LCORL: variants seen among roughly 807,000 people sequenced by gnomAD.
LCORL encodes ligand-dependent nuclear receptor corepressor-like protein.
Under a neutral mutation model 141.8 loss-of-function variants are expected in LCORL, and 41 were observed. The ratio of observed to expected loss-of-function variants is 0.29; its 90% CI spans 0.23 to 0.38. The LOEUF is 0.38. LCORL is among the 10% of genes least tolerant of loss of function. The pLI is 1.00. For synonymous variants in LCORL, 618 were observed against 694.1 expected (o/e 0.89, Z 1.72); for missense variants, 1,759 against 2,035.0 (o/e 0.86, Z 2.61).
At chr4:17,880,080 TTAA>T (rs886392397) in intron 6 of LCORL, among the ~76,000 whole-genome samples, 39 of 151,018 alleles carry the variant, frequency 2.6e-4, no homozygotes, top group African/African-American at 9.0e-4. Context: ...ATTCAATTTA[TTAA>T]TAATGGAATT....
intron 1 of LCORL, among the ~76,000 whole-genome samples, chr4:18,004,912 G>T (rs1378778349): frequency 6.6e-6 from 1 of 151,894 alleles, no homozygotes; most frequent in Non-Finnish European, 1.5e-5. Flanking sequence ...CCGAAATCCA[G>T]CAGGGCAGTC....
intron 1 of LCORL, among the ~76,000 whole-genome samples, chr4:17,985,241 A>T (rs575763581): frequency 7.9e-5 from 12 of 152,140 alleles, no homozygotes; most frequent in Middle Eastern, 6.8e-3. Context: ...AAGTAAGTAT[A>T]CTCTGCTGTT....
exon 8 of LCORL, chr4:17,841,417 C>A (rs982129328): frequency 6.6e-6 from 1 of 151,738 alleles, no homozygotes; most frequent in Non-Finnish European, 1.5e-5. Flanking sequence ...TGTTTTGTAA[C>A]CAGTAAATTA....
chr4:17,927,448 G>A (rs568382649), intron 4 of LCORL, among the ~76,000 whole-genome samples: 223 of 152,322 alleles, frequency 1.5e-3, no homozygotes, highest in Non-Finnish European at 2.5e-3. Context: ...ACATACACAA[G>A]GTGATGCATT....
intron 4 of LCORL, among the ~76,000 whole-genome samples, chr4:17,945,429 G>C (rs1275013356): frequency 6.6e-6 from 1 of 150,538 alleles, no homozygotes; most frequent in Non-Finnish European, 1.5e-5. Context: ...TTTTACACTA[G>C]AATTTATCGT....
At chr4:17,850,099 T>A (rs879545734) in intron 7 of LCORL, among the ~76,000 whole-genome samples, 1 of 148,586 alleles carries the variant, frequency 6.7e-6, no homozygotes, top group Non-Finnish European at 1.5e-5. Flanking sequence ...TGAAACTGGA[T>A]CCCTTCCTTA....
chr4:17,882,023 C>T (rs942179850), intron 6 of LCORL: 2 of 979,792 alleles, frequency 2.0e-6, no homozygotes, highest in East Asian at 1.2e-4. Context: ...GTGCAGGTAA[C>T]ATTAATAGCT....
chr4:17,906,843 C>T (rs1045858533), intron 5 of LCORL, among the ~76,000 whole-genome samples: 2 of 152,040 alleles, frequency 1.3e-5, no homozygotes, highest in East Asian at 1.9e-4. Context: ...TGTGCCACCA[C>T]GCCCAGCTAA....
At chr4:17,887,777 T>C (rs1249068667) in intron 5 of LCORL, among the ~76,000 whole-genome samples, 2 of 152,146 alleles carry the variant, frequency 1.3e-5, no homozygotes, top group Non-Finnish European at 2.9e-5. Flanking sequence ...TATGGGAGAA[T>C]GGACCGCAAG....
intron 4 of LCORL, among the ~76,000 whole-genome samples, chr4:17,924,157 T>C (rs550280130): frequency 6.6e-6 from 1 of 152,126 alleles, no homozygotes; most frequent in Non-Finnish European, 1.5e-5. Context: ...TGGCTGGACC[T>C]CTCTGAGTGC....
intron 1 of LCORL, among the ~76,000 whole-genome samples, chr4:18,006,837 A>C (rs1230317904): frequency 1.3e-5 from 2 of 152,058 alleles, no homozygotes; most frequent in Non-Finnish European, 2.9e-5. Flanking sequence ...ACACAGCCAA[A>C]CCATATCACA....
chr4:17,849,923 C>A (rs1222587079), intron 7 of LCORL, among the ~76,000 whole-genome samples: 1 of 151,516 alleles, frequency 6.6e-6, no homozygotes, highest in Non-Finnish European at 1.5e-5. Context: ...GTACTGGTAC[C>A]AAAACAGAGA....
chr4:17,988,023 C>G (rs979812140), intron 1 of LCORL, among the ~76,000 whole-genome samples: 2 of 152,074 alleles, frequency 1.3e-5, no homozygotes, highest in South Asian at 4.1e-4. Flanking sequence ...GTGGGAGGGA[C>G]CTGGTGGAAG....
At chr4:17,901,510 G>A (rs1730879112) in intron 5 of LCORL, among the ~76,000 whole-genome samples, 1 of 152,020 alleles carries the variant, frequency 6.6e-6, no homozygotes, top group Non-Finnish European at 1.5e-5. Flanking sequence ...TGATAATCAT[G>A]TATGTAATTC....
At chr4:17,971,836 A>C (rs1361173576) in intron 2 of LCORL, among the ~76,000 whole-genome samples, 1 of 151,674 alleles carries the variant, frequency 6.6e-6, no homozygotes, top group Admixed American at 6.6e-5. Flanking sequence ...TCCTAAAATA[A>C]TAAATTGTAC....
In LCORL at chr4:17,884,637, C is replaced by T; in HGVS notation, c.776+1431G>A. On this transcript the variant is annotated intron_variant, in intron 6 of 7. Transcript: ENST00000635767. The surrounding 1 kb of genome is among the most constrained non-coding windows in gnomAD (Gnocchi z 4.4). ...TTTTGAGGTATGCCATAAAGTATGC[C>T]TGCTTTATTTATGTCCAGTGCTCCA... 2 of 1,547,252 alleles carry T rather than the reference C, an allele frequency of 1.3e-6. No homozygotes were observed. Among genetic ancestry groups the T allele is most frequent in the Non-Finnish European group, 1.7e-6 (2 of 1,144,882 alleles).
At chr4:17,871,626 T>G (rs1189245869) in intron 7 of LCORL, among the ~76,000 whole-genome samples, 1 of 151,976 alleles carries the variant, frequency 6.6e-6, no homozygotes, top group African/African-American at 2.4e-5. Flanking sequence ...GATATGAGGA[T>G]GATATAAAGA....
intron 7 of LCORL, among the ~76,000 whole-genome samples, chr4:17,851,770 A>AT (rs1276012255): frequency 6.6e-6 from 1 of 152,170 alleles, no homozygotes; most frequent in Non-Finnish European, 1.5e-5. Context: ...AGACTGTACC[A>AT]TTTTACAGTC....
At chr4:18,010,043 C>A (rs1723451997) in intron 1 of LCORL, among the ~76,000 whole-genome samples, 1 of 152,148 alleles carries the variant, frequency 6.6e-6, no homozygotes, top group South Asian at 2.1e-4. Flanking sequence ...AAAAAAGAGA[C>A]ACCAGTGAAT....
Sources: gnomAD v4.1 joint callset for allele counts (sites outside exome capture counted in the v4.1 genomes callset) on GRCh38, gnomAD v4.1.1 for gene constraint, Gnocchi (gnomAD v3.1) non-coding constraint, MANE v1.5 for transcripts, NCBI Gene and HGNC (gene_info 2026-07-23, HGNC 2026-07-21) for gene names.